Variants in ARHGAP27 observed in about 807,000 individuals in gnomAD.
The protein encoded by ARHGAP27 is Rho GTPase activating protein 27.
ARHGAP27 carries 53 observed loss-of-function variants against 102.0 expected under a neutral mutation model. The observed-to-expected ratio is 0.52, with a 90% CI of 0.42 to 0.65. ARHGAP27 has a LOEUF of 0.65. ARHGAP27 is among the 30% of genes least tolerant of loss of function. ARHGAP27 has a pLI of 0.00. For synonymous variants in ARHGAP27, 525 were observed against 542.8 expected (o/e 0.97, Z 0.46); for missense variants, 1,117 against 1,256.2 (o/e 0.89, Z 1.68).
intron 4 of ARHGAP27, chr17:45,410,332 TG>T (rs1423003481): frequency 6.8e-7 from 1 of 1,470,586 alleles, no homozygotes; most frequent in Non-Finnish European, 9.0e-7. Flanking sequence ...GGGAAGGTTT[TG>T]GGGGTAGAGC....
chr17:45,426,371 A>G (rs567546660), intron 4 of ARHGAP27, among the ~76,000 whole-genome samples: 1 of 151,950 alleles, frequency 6.6e-6, no homozygotes, highest in East Asian at 1.9e-4. Flanking sequence ...ATCTTACCAC[A>G]CTTTGTCCCC....
chr17:45,417,911 G>A (rs192242610), intron 4 of ARHGAP27, among the ~76,000 whole-genome samples: 8 of 151,708 alleles, frequency 5.3e-5, no homozygotes, highest in African/African-American at 1.2e-4. Flanking sequence ...AAAATTAGCC[G>A]GGCACAGTGG....
intron 4 of ARHGAP27, chr17:45,425,765 C>A (rs1362896393): frequency 2.4e-6 from 1 of 424,666 alleles, no homozygotes; most frequent in Non-Finnish European, 3.2e-6. Flanking sequence ...CACCTCTGGG[C>A]GGGGATGGTG....
intron 12 of ARHGAP27, among the ~76,000 whole-genome samples, chr17:45,400,831 C>A (rs1168968254): frequency 6.6e-6 from 1 of 152,192 alleles, no homozygotes; most frequent in Non-Finnish European, 1.5e-5. Flanking sequence ...AGGAGACTCA[C>A]TTGAATCCGA....
intron 4 of ARHGAP27, among the ~76,000 whole-genome samples, chr17:45,407,002 T>A (rs1196735936): frequency 1.3e-5 from 2 of 150,788 alleles, no homozygotes; most frequent in Non-Finnish European, 3.0e-5. Context: ...CAGCTGGGGG[T>A]TCAATCACAT....
At chr17:45,403,889 TCA>T (rs2046784593) in intron 10 of ARHGAP27, 138 bp downstream of exon 10, 1 of 1,067,944 alleles carries the variant, frequency 9.4e-7, no homozygotes, top group Non-Finnish European at 1.4e-6. Flanking sequence ...TCACTTTATC[TCA>T]CAGTGTCTCA....
chr17:45,430,198 C>G lies in ARHGAP27; in HGVS notation c.82G>C (p.Ala28Pro), dbSNP rs1178353869. The change falls in exon 4 of 20, where the codon GCC (alanine) becomes CCC (proline). Residue 28 changes from alanine (A) to proline (P), a missense_variant. Ala to Pro is a conservative substitution (Grantham distance 27). This residue lies in a region of ARHGAP27 where 610 missense variants were observed against 716.4 expected (regional missense o/e 0.85). Transcript: ENST00000685559. The surrounding 1 kb of genome is among the most constrained non-coding windows in gnomAD (Gnocchi z 4.4). ...CGGTAGCGCTCATTCGGCCGGATGG[C>G]CACGCGGCGCCCGTCCTTGCCGGTG... ...EYTGKDGRRV[A>P]IRPNERYRLL... The G allele has an allele frequency of 1.3e-6, 2 of 1,551,152 alleles. No individual in the cohort carries two copies. The highest frequency in any genetic ancestry group is 1.9e-5 in the Admixed American group (1 of 53,142).
At chr17:45,412,980 T>C (rs2048083910) in intron 4 of ARHGAP27, among the ~76,000 whole-genome samples, 3 of 118,248 alleles carry the variant, frequency 2.5e-5, no homozygotes, top group Non-Finnish European at 3.6e-5. Context: ...TTTTTTTTTT[T>C]TTTTTTTTTT....
chr17:45,396,893 AC>A, intron 14 of ARHGAP27, 22 bp downstream of exon 14: 1 of 1,606,990 alleles, frequency 6.2e-7, no homozygotes, highest in Non-Finnish European at 8.5e-7. Flanking sequence ...TGGAGCCCCC[AC>A]CCCATCCTGC....
In ARHGAP27 at chr17:45,402,723, A is replaced by T; in HGVS notation, c.1734T>A (p.Asn578Lys). The change falls in exon 12 of 20, where the codon AAT becomes AAA. Residue 578 changes from asparagine (N) to lysine (K), a missense_variant. Asn to Lys is a moderately conservative substitution (Grantham distance 94). Coordinates refer to ENST00000685559, the MANE Select transcript of ARHGAP27 (RefSeq NM_001282290.2). ...WAPKDKSSRK[N>K]VLELRSRDGS... ...CAACCCCGCCACTCACCTCCAGCAC[A>T]TTCTTCCTACTGGATTTGTCTTTGG... The T allele has an allele frequency of 6.2e-7, 1 of 1,611,344 alleles. No individual in the cohort carries two copies. The highest frequency in any genetic ancestry group is 1.1e-5 in the South Asian group (1 of 91,020).
chr17:45,431,507 A>G, intron 3 of ARHGAP27, 114 bp downstream of exon 3: 1 of 199,418 alleles, frequency 5.0e-6, no homozygotes, highest in Non-Finnish European at 1.1e-5. Context: ...CTGAGTCACT[A>G]AGCACGCTGG....
rs1439013514 is a variant in ARHGAP27, at chr17:45,429,723, G to A, written c.557C>T (p.Ser186Phe). 2.6e-6 allele frequency: 4 copies of A among 1,545,652 alleles called. No individual in the cohort carries two copies. The highest frequency in any genetic ancestry group is 1.4e-5 in the African/African-American group (1 of 72,526). ...CGCCAGAGGCCGCGGGCACACCCAGGAGCCCGCCACGCTGCAGGCCTTGAA... is the reference window on the plus strand; with the variant it reads ...CGCCAGAGGCCGCGGGCACACCCAGAAGCCCGCCACGCTGCAGGCCTTGAA... ...GSFKACSVAG[S>F]WVCPRPLARS... Residue 186 changes from serine (S) to phenylalanine (F), a missense_variant, in exon 4 of 20, where the codon TCC becomes TTC. Ser to Phe is a radical substitution (Grantham distance 155). This residue lies in a region of ARHGAP27 where 610 missense variants were observed against 716.4 expected (regional missense o/e 0.85). Transcript: ENST00000685559.
At position 45,421,196 on chromosome 17, in the gene ARHGAP27, A is replaced by T. The variant is rs572187910; in HGVS notation, c.657+8427T>A. ...GTAAAAGAAACAATAATCGAGCAAC[A>T]GTCCGGGCGCAGTGGCTCATGCCTG... On this transcript the variant is annotated intron_variant, in intron 4 of 19. Coordinates refer to ENST00000685559, the MANE Select transcript of ARHGAP27 (RefSeq NM_001282290.2). 2.1e-5 allele frequency among the ~76,000 whole-genome samples: 3 copies of T among 139,592 alleles called. No individual in the cohort carries two copies. The East Asian group carries it at 6.6e-4, about 31-fold the overall frequency. The allele number at this position is 139,592 out of a possible 152,430, so 91.6% of individuals were successfully genotyped here.
Position 45,405,019 on chromosome 17 carries a change from C to A in ARHGAP27, c.1153G>T (p.Gly385Cys). 1 of 1,613,802 alleles carries A rather than the reference C, an allele frequency of 6.2e-7. No individual in the cohort carries two copies. Among genetic ancestry groups the A allele is most frequent in the Non-Finnish European group, 8.5e-7 (1 of 1,179,878 alleles). Residue 385 changes from glycine to cysteine, a missense_variant, in exon 6 of 20, where the codon GGC becomes TGC. Transcript: ENST00000685559. ...GGTGTGGTCAAGGGAGAGGTAGGGC[C>A]GGGCTCACCGAAAGAGCCCACGGGA... ...YSPVGSFGEPGPTSPLTTPPG... is the reference protein window; with the variant it reads ...YSPVGSFGEPCPTSPLTTPPG...
chr17:45,405,608 T>A, intron 5 of ARHGAP27, 68 bp downstream of exon 5: 4 of 1,476,806 alleles, frequency 2.7e-6, no homozygotes, highest in Non-Finnish European at 1.8e-6. Context: ...TCCCTGGGCC[T>A]CTGGGAGCAG....
At chr17:45,421,981 T>C (rs1467395460) in intron 4 of ARHGAP27, among the ~76,000 whole-genome samples, 4 of 151,912 alleles carry the variant, frequency 2.6e-5, no homozygotes, top group African/African-American at 7.3e-5. Flanking sequence ...GCCTGACCAA[T>C]GTGGTGAAAC....
Position 45,430,037 on chromosome 17 carries a change from G to A in ARHGAP27, c.243C>T (p.Pro81=), listed in dbSNP as rs7220206. The A allele has an allele frequency of 0.17, 208,027 of 1,248,940 alleles. 19,083 individuals are homozygous for A. Among genetic ancestry groups the A allele is most frequent in the Middle Eastern group, 0.2 (625 of 3,172 alleles). 77.4% of individuals were successfully genotyped at this position (1,248,940 alleles called of 1,614,324 possible). The change falls in exon 4 of 20, where the codon CCC becomes CCT. Residue 81 remains proline (P), a synonymous_variant. Transcript: ENST00000685559. The surrounding 1 kb of genome is among the most constrained non-coding windows in gnomAD (Gnocchi z 4.4). ...GNPAAAAPPG[P]HPSPAAPEPL... is the part of the protein sequence containing the mutation. ...GCTCAGGGGCCGCGGGGCTCGGGTG[G>A]GGACCTGGCGGCGCGGCGGCGGCAG...
Position 45,395,798 on chromosome 17 carries a change from G to T in ARHGAP27, c.2438C>A (p.Ser813Ter). Reference sequence around the variant, plus strand: ...AGTGTCGTGGTTGGGAGCGGGCAGCGAGCGCACCAAGTCACGCACACAGCG... The same window carrying T: ...AGTGTCGTGGTTGGGAGCGGGCAGCTAGCGCACCAAGTCACGCACACAGCG... ...RSRCVRDLVR[S>*]LPAPNHDTLR... The change falls in exon 19 of 20, where the codon TCG becomes TAG. Residue 813 changes from serine to a stop codon, truncating the protein, a stop_gained. Transcript: ENST00000685559. LOFTEE classifies it high-confidence loss of function. 1 of 1,606,308 alleles carries T rather than the reference G, an allele frequency of 6.2e-7. No homozygotes were observed. Among genetic ancestry groups the T allele is most frequent in the South Asian group, 1.1e-5 (1 of 90,278 alleles).
At position 45,405,712 on chromosome 17, in the gene ARHGAP27, C is replaced by A; in HGVS notation, c.1029G>T (p.Gln343His). Residue 343 changes from glutamine (Q) to histidine (H), a missense_variant, in exon 5 of 20, where the codon CAG (glutamine) becomes CAT (histidine). Gln to His is a conservative substitution (Grantham distance 24). Around this residue, in one of 3 missense-constraint regions of ARHGAP27, gnomAD observed 610 missense variants for 716.4 expected, o/e 0.85. Coordinates refer to ENST00000685559, the MANE Select transcript of ARHGAP27 (RefSeq NM_001282290.2). Reference protein sequence around the residue: ...ENEPEEELEMQPGLSPGSPGD... With the variant: ...ENEPEEELEMHPGLSPGSPGD... ...CTGGGCTGCCAGGGCTCAGGCCCGG[C>A]TGCATCTCCAACTCCTCCTCGGGCT... is the stretch of plus-strand genomic sequence containing the variant. 1 of 1,603,344 alleles carries A rather than the reference C, an allele frequency of 6.2e-7. No individual in the cohort carries two copies.
Sources: gnomAD v4.1 joint callset for allele counts (sites outside exome capture counted in the v4.1 genomes callset) on GRCh38, gnomAD v4.1.1 for gene constraint, gnomAD v4.1.1 regional missense constraint, Gnocchi (gnomAD v3.1) non-coding constraint, MANE v1.5 for transcripts, NCBI Gene and HGNC (gene_info 2026-07-23, HGNC 2026-07-21) for gene names.